Variants in CPT1A observed in about 807,000 individuals in gnomAD.
CPT1A encodes the protein carnitine palmitoyltransferase 1A, also known as carnitine O-palmitoyltransferase 1, liver isoform.
A neutral mutation model predicts 100.8 loss-of-function variants in CPT1A; 64 were observed. The ratio of observed to expected loss-of-function variants is 0.63; its 90% CI spans 0.52 to 0.78. The LOEUF is 0.78. Ranked by LOEUF, CPT1A falls within the 30% of genes least tolerant of loss-of-function variation. The pLI is 0.00. For synonymous variants in CPT1A, 363 were observed against 396.0 expected (o/e 0.92, Z 0.99); for missense variants, 802 against 1,034.1 (o/e 0.78, Z 3.08).
At chr11:68,819,322 C>T (rs1271212014) in intron 1 of CPT1A, among the ~76,000 whole-genome samples, 2 of 152,108 alleles carry the variant, frequency 1.3e-5, no homozygotes, top group African/African-American at 2.4e-5. Context: ...TCAAATGATC[C>T]GCCCACCTCG....
rs115156775 is a variant in CPT1A at position 68,772,471 on chromosome 11, A to G, written c.1740+794T>C. Among the ~76,000 whole-genome samples, 1,310 of 151,562 alleles carry G rather than the reference A, an allele frequency of 8.6e-3. 18 individuals carry two copies. Among genetic ancestry groups the G allele is most frequent in the African/African-American group, 0.03 (1,259 of 41,432 alleles). The stretch of plus-strand genomic sequence containing the variant: ...CTCCAATGGACAAGAAGACCCATTT[A>G]TGTCCCTGCTAGGGGTGCAGGCTGC... On this transcript the variant is annotated intron_variant, in intron 14 of 18. Coordinates refer to ENST00000265641, the MANE Select transcript of CPT1A (RefSeq NM_001876.4).
intron 9 of CPT1A, among the ~76,000 whole-genome samples, chr11:68,786,836 C>T (rs140206375): frequency 6.6e-6 from 1 of 152,252 alleles, no homozygotes; most frequent in East Asian, 1.9e-4. Context: ...GCCTCCTGCT[C>T]TGATTTTTAA....
At position 68,812,461 on chromosome 11, in the gene CPT1A, T is replaced by C. The variant is rs1233285963; in HGVS notation, c.257A>G (p.Lys86Arg). ...CGCCGTTTCCAGAGTCCGATTGATTTTTGCAATTATTCCTAACGAGGGGTC... is the reference window on the plus strand; with the variant it reads ...CGCCGTTTCCAGAGTCCGATTGATTCTTGCAATTATTCCTAACGAGGGGTC... ...KIDPSLGIIA[K>R]INRTLETANC... is the part of the protein sequence containing the mutation. The change falls in exon 3 of 19, where the codon AAA becomes AGA. Residue 86 changes from lysine to arginine, a missense_variant. Around this residue, in one of 4 missense-constraint regions of CPT1A, gnomAD observed 161 missense variants for 183.7 expected, o/e 0.88. Coordinates refer to ENST00000265641, the MANE Select transcript of CPT1A (RefSeq NM_001876.4). 2.5e-6 allele frequency: 4 copies of C among 1,614,210 alleles called. No homozygotes were observed. In the South Asian group the frequency reaches 4.4e-5, roughly 18 times the overall value.
intron 1 of CPT1A, among the ~76,000 whole-genome samples, chr11:68,818,213 G>C (rs1284365553): frequency 2.0e-5 from 3 of 152,120 alleles, no homozygotes; most frequent in African/African-American, 7.2e-5. Flanking sequence ...AGTCTGCAGA[G>C]GCACCTTGAG....
chr11:68,781,493 G>A (rs965375021), intron 11 of CPT1A, among the ~76,000 whole-genome samples: 19 of 152,084 alleles, frequency 1.2e-4, no homozygotes, highest in African/African-American at 4.6e-4. Context: ...GGTGGCACAC[G>A]CCTGTAATCC....
chr11:68,807,812 G>A (rs1856090244), intron 3 of CPT1A, among the ~76,000 whole-genome samples, 174 bp from the exon 4 acceptor site: 3 of 152,194 alleles, frequency 2.0e-5, no homozygotes, highest in African/African-American at 7.2e-5. Context: ...AAACACTCAC[G>A]GGCACTCTCC....
chr11:68,757,633 C>G lies in CPT1A; in HGVS notation c.*11G>C. On this transcript the variant is annotated 3_prime_UTR_variant, in exon 19 of 19. Transcript: ENST00000265641. ...AAGAGCTCGTTTTCCTTCCCAGCAG[C>G]TCCAGTGGAATTACTTTTTGGAATT... The G allele has an allele frequency of 6.2e-7, 1 of 1,614,100 alleles. No homozygotes were observed. The highest frequency in any genetic ancestry group is 8.5e-7 in the Non-Finnish European group (1 of 1,179,982).
At chr11:68,796,724 G>A in intron 7 of CPT1A, 132 bp downstream of exon 7, 1 of 852,292 alleles carries the variant, frequency 1.2e-6, no homozygotes, top group Non-Finnish European at 1.9e-6. Flanking sequence ...CTGGAAGCAG[G>A]ACAGAGAGGA....
At chr11:68,812,648 T>TGGCAGCAGGGCTGCTGG (rs1357385642) in intron 2 of CPT1A, 72 bp from the exon 3 acceptor site, 38 of 1,575,450 alleles carry the variant, frequency 2.4e-5, no homozygotes, top group Non-Finnish European at 3.0e-5. Context: ...TCATGGCCCC[T>TGGCAGCAGGGCTGCTGG]GGCAGCAGGG....
chr11:68,836,648 T>C (rs890649640), intron 1 of CPT1A, among the ~76,000 whole-genome samples: 1 of 151,986 alleles, frequency 6.6e-6, no homozygotes, highest in Admixed American at 6.6e-5. Context: ...GGCATGCCCC[T>C]GTAGTCCCAG....
At position 68,780,676 on chromosome 11, in the gene CPT1A, G is replaced by A. The variant is rs1400429472; in HGVS notation, c.1422C>T (p.Ser474=). 6.2e-7 allele frequency: 1 copy of A among 1,614,236 alleles called. No homozygotes were observed. The highest frequency in any genetic ancestry group is 8.5e-7 in the Non-Finnish European group (1 of 1,180,026). ...GGGCCACGATCGGCGCATCTGCCCA[G>A]GAGTGTTCAGCGTTGAGGCCCATCT... ...NGKMGLNAEH[S]WADAPIVAHL... is the part of the protein sequence containing the mutation. The change falls in exon 12 of 19, where the codon TCC becomes TCT. Residue 474 remains serine (S), a synonymous_variant. Coordinates refer to ENST00000265641, the MANE Select transcript of CPT1A (RefSeq NM_001876.4).
At chr11:68,773,604 C>A in intron 13 of CPT1A, 175 bp from the exon 14 acceptor site, 1 of 1,165,704 alleles carries the variant, frequency 8.6e-7, no homozygotes. Context: ...CTCCCTGACC[C>A]CGGAGGAGCA....
intron 4 of CPT1A, among the ~76,000 whole-genome samples, chr11:68,806,492 G>GT (rs1856050423): frequency 1.3e-5 from 2 of 152,142 alleles, no homozygotes; most frequent in Admixed American, 1.3e-4. Flanking sequence ...GTCAGCCATG[G>GT]TGGTGTACAC....
chr11:68,841,760 G>A lies in CPT1A; in HGVS notation c.-14+15C>T, dbSNP rs942554385. 26 of 982,360 alleles carry A rather than the reference G, an allele frequency of 2.6e-5. No homozygotes were observed. The African/African-American group carries it at 4.2e-4, about 16-fold the overall frequency. The allele number at this position is 982,360 out of a possible 1,614,324, so 60.9% of individuals were successfully genotyped here. ...CGCCCCGCCACCCTCCCCACCGCGG[G>A]CGACCGGGCCTCACCGAGTCAGCTA... On this transcript the variant is annotated intron_variant, in intron 1 of 18. Coordinates refer to ENST00000265641, the MANE Select transcript of CPT1A (RefSeq NM_001876.4). The surrounding 1 kb of genome is among the most constrained non-coding windows in gnomAD (Gnocchi z 6.3).
intron 7 of CPT1A, among the ~76,000 whole-genome samples, chr11:68,795,910 A>G (rs1191031285): frequency 6.7e-6 from 1 of 150,124 alleles, no homozygotes; most frequent in Non-Finnish European, 1.5e-5. Context: ...CTCTATCTCA[A>G]AAAAAAAAAG....
intron 4 of CPT1A, among the ~76,000 whole-genome samples, chr11:68,805,957 C>T (rs766548898): frequency 6.6e-6 from 1 of 151,818 alleles, no homozygotes; most frequent in Non-Finnish European, 1.5e-5. Flanking sequence ...ACGGAGGCCT[C>T]GAAAGTCCAG....
intron 14 of CPT1A, 76 bp downstream of exon 14, chr11:68,773,189 A>C: frequency 6.2e-7 from 1 of 1,602,852 alleles, no homozygotes; most frequent in Non-Finnish European, 8.5e-7. Context: ...TTCCCTCCCC[A>C]CTGGGTGAAC....
rs1201271520 is a variant in CPT1A, at chr11:68,762,684, G to A, written c.1818C>T (p.Arg606=). 8 of 1,614,050 alleles carry A rather than the reference G, an allele frequency of 5.0e-6. No individual in the cohort carries two copies. The East Asian group carries it at 1.8e-4, about 36-fold the overall frequency. ...LFREGRTETV[R]SCTTESCDFV... The stretch of plus-strand genomic sequence containing the variant: ...AGTCGCATGACTCAGTGGTGCAGGA[G>A]CGCACGGTCTCCGTCCTCCCCTCTC... Residue 606 remains arginine (R), a synonymous_variant, in exon 15 of 19, where the codon CGC becomes CGT. Coordinates refer to ENST00000265641, the MANE Select transcript of CPT1A (RefSeq NM_001876.4).
At chr11:68,774,042 T>C (rs972127542) in intron 13 of CPT1A, among the ~76,000 whole-genome samples, 2 of 152,092 alleles carry the variant, frequency 1.3e-5, no homozygotes, top group African/African-American at 4.8e-5. Flanking sequence ...AAGGGAGGAA[T>C]TGGGAGAAGT....
Sources: allele counts gnomAD v4.1 joint callset (sites outside exome capture counted in the v4.1 genomes callset), GRCh38; gene constraint gnomAD v4.1.1; regional missense constraint gnomAD v4.1.1; non-coding constraint Gnocchi (gnomAD v3.1); transcripts MANE v1.5; gene names NCBI Gene and HGNC (gene_info 2026-07-23, HGNC 2026-07-21).